The following ENOX2 variants were observed in gnomAD, a reference collection of about 807,000 sequenced individuals.
ENOX2 encodes the protein ecto-NOX disulfide-thiol exchanger 2.
A neutral mutation model predicts 45.0 loss-of-function variants in ENOX2; 36 were observed. That is an observed-to-expected ratio of 0.80 (90% CI 0.61 to 1.06). ENOX2 has a LOEUF of 1.06. Ranked by LOEUF, ENOX2 falls within the 50% of genes least tolerant of loss-of-function variation. ENOX2 has a pLI of 0.00. For synonymous variants in ENOX2, 174 were observed against 152.3 expected (o/e 1.14, Z -1.05); for missense variants, 423 against 462.5 (o/e 0.91, Z 0.78).
chrX:130,726,766 T>C (rs1175919223), intron 3 of ENOX2, among the ~76,000 whole-genome samples: 1 of 112,658 alleles, frequency 8.9e-6, no homozygotes, highest in Admixed American at 9.4e-5. Flanking sequence ...GTCTGTGAGT[T>C]GGCTTTCTCC....
chrX:130,796,778 C>T (rs775014174), intron 2 of ENOX2, among the ~76,000 whole-genome samples: 1 of 111,799 alleles, frequency 8.9e-6, no homozygotes, highest in Non-Finnish European at 1.9e-5. Context: ...TAACAGTATT[C>T]TTTTTGTTAT....
chrX:130,902,854 C>T (rs935997256), intron 1 of ENOX2, among the ~76,000 whole-genome samples, 195 bp downstream of exon 1: 4 of 106,861 alleles, frequency 3.7e-5, no homozygotes, highest in Admixed American at 9.9e-5. Flanking sequence ...AGCGCGCTCC[C>T]GGGCTCAAGA....
At chrX:130,765,384 T>G (rs2039591650) in intron 3 of ENOX2, among the ~76,000 whole-genome samples, 1 of 111,668 alleles carries the variant, frequency 9.0e-6, no homozygotes, top group Admixed American at 9.5e-5. Context: ...CTTGCTTTTC[T>G]TTTTATATAG....
intron 2 of ENOX2, among the ~76,000 whole-genome samples, chrX:130,801,795 T>C (rs1052427194): frequency 1.8e-5 from 2 of 111,996 alleles, no homozygotes; most frequent in Non-Finnish European, 3.8e-5. Context: ...GAATTACCTT[T>C]CAGATTTCAT....
Position 130,803,174 on chromosome X carries a change from T to C in ENOX2, c.-182-19484A>G, listed in dbSNP as rs2077250283. Among the ~76,000 whole-genome samples the C allele has an allele frequency of 4.5e-5, 5 of 112,340 alleles. No individual in the cohort carries two copies. In the South Asian group the frequency reaches 1.5e-3, roughly 33 times the overall value. On this transcript the variant is annotated intron_variant, in intron 2 of 14. Transcript: ENST00000394363. ...AAATCATAGAGGGTCTTCTGATTTT[T>C]ATTATCATTTAATATTTAATTCTAC...
chrX:130,625,404 C>T lies in ENOX2; in HGVS notation c.1656G>A (p.Gln552=). ...SDVECLMGRL[Q]HTFKQEMTGV... ...CAGTCATTTCCTGCTTGAAGGTATG[C>T]TGGAGTCTACCCATGAGACACTCCA... The change falls in exon 15 of 15, where the codon CAG becomes CAA. Residue 552 remains glutamine (Q), a synonymous_variant. Transcript: ENST00000394363. 8.3e-7 allele frequency: 1 copy of T among 1,209,651 alleles called. No homozygotes were observed. Among genetic ancestry groups the T allele is most frequent in the Non-Finnish European group, 1.1e-6 (1 of 893,744 alleles).
intron 13 of ENOX2, among the ~76,000 whole-genome samples, chrX:130,629,521 G>A (rs750515441): frequency 8.9e-6 from 1 of 112,599 alleles, no homozygotes; most frequent in South Asian, 3.7e-4. Context: ...TCTCTGACAG[G>A]TCTCCCTGTT....
intron 3 of ENOX2, among the ~76,000 whole-genome samples, chrX:130,705,397 T>C (rs2038011475): frequency 8.9e-6 from 1 of 111,887 alleles, no homozygotes; most frequent in Non-Finnish European, 1.9e-5. Flanking sequence ...GGGAAGACAA[T>C]GATCTCAATT....
chrX:130,641,541 A>AC (rs2036084587), intron 10 of ENOX2, among the ~76,000 whole-genome samples: 1 of 109,402 alleles, frequency 9.1e-6, no homozygotes, highest in Non-Finnish European at 1.9e-5. Flanking sequence ...ACATGGTGAA[A>AC]CCCCGTCTCT....
At chrX:130,725,499 A>G (rs769894351) in intron 3 of ENOX2, among the ~76,000 whole-genome samples, 1 of 109,225 alleles carries the variant, frequency 9.2e-6, no homozygotes, top group African/African-American at 3.3e-5. Context: ...CTAGTCCCAT[A>G]TCCGGGTCCC....
chrX:130,874,723 C>T (rs2078660701), intron 2 of ENOX2, among the ~76,000 whole-genome samples: 1 of 111,679 alleles, frequency 9.0e-6, no homozygotes, highest in Admixed American at 9.4e-5. Context: ...CACAACAACA[C>T]ATATACACAC....
chrX:130,838,255 G>A (rs2077960290), intron 2 of ENOX2, among the ~76,000 whole-genome samples: 1 of 111,574 alleles, frequency 9.0e-6, no homozygotes, highest in Non-Finnish European at 1.9e-5. Flanking sequence ...AGTGGTGCAT[G>A]CCTGTAATCC....
chrX:130,636,815 C>A (rs1446680097), intron 11 of ENOX2, among the ~76,000 whole-genome samples: 1 of 111,960 alleles, frequency 8.9e-6, no homozygotes, highest in Non-Finnish European at 1.9e-5. Context: ...TCGATTCCTG[C>A]CATTCCTTTT....
chrX:130,781,310 G>T (rs1463270924), intron 3 of ENOX2, among the ~76,000 whole-genome samples: 1 of 111,645 alleles, frequency 9.0e-6, no homozygotes, highest in Non-Finnish European at 1.9e-5. Flanking sequence ...AATTTAGCCT[G>T]CCAGGGGCTT....
intron 5 of ENOX2, among the ~76,000 whole-genome samples, chrX:130,688,104 A>C (rs755372237): frequency 5.9e-4 from 66 of 112,329 alleles, no homozygotes; most frequent in African/African-American, 2.0e-3. Flanking sequence ...AAAAATCATT[A>C]ATGAGGCTTG....
chrX:130,813,875 G>A (rs1473288404), intron 2 of ENOX2, among the ~76,000 whole-genome samples: 2 of 111,842 alleles, frequency 1.8e-5, no homozygotes, highest in Non-Finnish European at 3.8e-5. Flanking sequence ...CCCCAGTGGC[G>A]CCTGGAACGC....
intron 2 of ENOX2, among the ~76,000 whole-genome samples, chrX:130,803,006 A>G (rs1183744271): frequency 8.9e-6 from 1 of 112,065 alleles, no homozygotes; most frequent in Non-Finnish European, 1.9e-5. Context: ...TTCACAAATA[A>G]TGAAGGCATG....
At chrX:130,857,550 G>A (rs2078332013) in intron 2 of ENOX2, among the ~76,000 whole-genome samples, 2 of 111,835 alleles carry the variant, frequency 1.8e-5, no homozygotes, top group South Asian at 7.5e-4. Flanking sequence ...GAGATCTACT[G>A]TACAACATAG....
chrX:130,800,532 T>C (rs1980165585), intron 2 of ENOX2, among the ~76,000 whole-genome samples: 1 of 111,799 alleles, frequency 8.9e-6, no homozygotes, highest in African/African-American at 3.2e-5. Flanking sequence ...AATCAGCTTA[T>C]GTTTTCTATT....
Sources: allele counts gnomAD v4.1 joint callset (sites outside exome capture counted in the v4.1 genomes callset), GRCh38; gene constraint gnomAD v4.1.1; transcripts MANE v1.5; gene names NCBI Gene and HGNC (gene_info 2026-07-23, HGNC 2026-07-21).